The following CARMIL1 variants were observed in gnomAD, a reference collection of about 807,000 sequenced individuals.
CARMIL1 encodes capping protein regulator and myosin 1 linker 1, also known as F-actin-uncapping protein LRRC16A.
A neutral mutation model predicts 177.1 loss-of-function variants in CARMIL1; 90 were observed. That is an observed-to-expected ratio of 0.51 (90% CI 0.43 to 0.61). CARMIL1 has a LOEUF of 0.61. CARMIL1 is among the 20% of genes least tolerant of loss of function. The pLI, the probability that CARMIL1 is intolerant of heterozygous loss-of-function variation, is 0.00. For synonymous variants in CARMIL1, 577 were observed against 606.2 expected (o/e 0.95, Z 0.71); for missense variants, 1,380 against 1,667.0 (o/e 0.83, Z 3.00).
chr6:25,446,156 G>A (rs1354196409), intron 5 of CARMIL1, among the ~76,000 whole-genome samples: 2 of 152,132 alleles, frequency 1.3e-5, no homozygotes, highest in African/African-American at 4.8e-5. Context: ...GCACTGATTG[G>A]CCTCAACTTA....
chr6:25,405,716 C>T (rs559151255), intron 2 of CARMIL1, among the ~76,000 whole-genome samples: 2 of 152,154 alleles, frequency 1.3e-5, no homozygotes, highest in Non-Finnish European at 2.9e-5. Flanking sequence ...TATTTCTTTT[C>T]CTTTTGGCAG....
At chr6:25,328,835 TGA>T (rs10612739) in intron 2 of CARMIL1, among the ~76,000 whole-genome samples, 40,441 of 151,818 alleles carry the variant, frequency 0.27, 5,746 homozygotes, top group African/African-American at 0.38. Flanking sequence ...AAAAATGCAA[TGA>T]GAGGGGAAAA....
At position 25,577,214 on chromosome 6, in the gene CARMIL1, T is replaced by C. The variant is rs1410461837; in HGVS notation, c.2743-3710T>C. 7 of 750,838 alleles carry C rather than the reference T, an allele frequency of 9.3e-6. No individual in the cohort carries two copies. Among genetic ancestry groups the C allele is most frequent in the Non-Finnish European group, 9.7e-6 (6 of 615,902 alleles). The allele number at this position is 750,838 out of a possible 1,614,324, so 46.5% of individuals were successfully genotyped here. A position where few individuals can be genotyped will look rare whatever the true frequency, so the allele number is the denominator to read the frequency against. Reference sequence around the variant, plus strand: ...GATGAATTTAAAATATCTCCAGCCATGTGCCTGAAAGCAAGCAGAGTGTTG... The same window carrying C: ...GATGAATTTAAAATATCTCCAGCCACGTGCCTGAAAGCAAGCAGAGTGTTG... On this transcript the variant is annotated intron_variant, in intron 29 of 36. Transcript: ENST00000329474. This position sits in a 1 kb window ranked among gnomAD's most constrained non-coding sequence, Gnocchi z 4.5.
chr6:25,459,210 T>TTTTCTTTCTTTCTTTCTTTC (rs5875042), intron 8 of CARMIL1, among the ~76,000 whole-genome samples: 4,641 of 80,120 alleles, frequency 0.058, 664 homozygotes, highest in East Asian at 0.077. Context: ...GATCCCAACT[T>TTTTCTTTCTTTCTTTCTTTC]TTTCTTTCTT....
chr6:25,610,204 TTCTCTGGGTTAGC>T, intron 36 of CARMIL1, 23 bp downstream of exon 36: 1 of 1,604,140 alleles, frequency 6.2e-7, no homozygotes, highest in Non-Finnish European at 8.5e-7. Flanking sequence ...AGGATTTCTT[TTCTCTGGGTTAGC>T]TCTCCCCAAG....
At chr6:25,610,958 C>T (rs1487558019) in intron 36 of CARMIL1, among the ~76,000 whole-genome samples, 4 of 151,992 alleles carry the variant, frequency 2.6e-5, no homozygotes, top group Admixed American at 1.3e-4. Flanking sequence ...CCACACAAGT[C>T]GTCTACACCC....
chr6:25,404,671 G>T (rs1186780453), intron 2 of CARMIL1, among the ~76,000 whole-genome samples: 1 of 151,840 alleles, frequency 6.6e-6, no homozygotes, highest in African/African-American at 2.4e-5. Context: ...CACAAGAATC[G>T]CTTGAACCCG....
intron 17 of CARMIL1, among the ~76,000 whole-genome samples, chr6:25,507,256 T>G (rs946165234): frequency 3.9e-5 from 6 of 152,194 alleles, no homozygotes; most frequent in African/African-American, 1.4e-4. Context: ...TTTGGGGAAT[T>G]TTAGACATTT....
intron 24 of CARMIL1, among the ~76,000 whole-genome samples, chr6:25,531,092 A>C (rs956624853): frequency 1.3e-5 from 2 of 152,210 alleles, no homozygotes; most frequent in Non-Finnish European, 2.9e-5. Context: ...TATTTCGTGG[A>C]ATCAACTGCT....
chr6:25,537,579 C>T (rs1306108062), intron 24 of CARMIL1, among the ~76,000 whole-genome samples: 2 of 152,128 alleles, frequency 1.3e-5, no homozygotes, highest in East Asian at 1.9e-4. Context: ...TTTTGTTCTA[C>T]GTGCTGCATT....
chr6:25,368,795 A>G (rs1562044941), intron 2 of CARMIL1, among the ~76,000 whole-genome samples: 2 of 152,220 alleles, frequency 1.3e-5, no homozygotes, highest in South Asian at 4.1e-4. Flanking sequence ...TTTTAATGTG[A>G]TAAATGGCCT....
At chr6:25,586,814 C>T (rs1370870399) in intron 31 of CARMIL1, among the ~76,000 whole-genome samples, 2 of 151,870 alleles carry the variant, frequency 1.3e-5, no homozygotes, top group South Asian at 2.1e-4. Flanking sequence ...ACCAGTCAGG[C>T]GTGGCGGCGC....
chr6:25,515,798 A>G lies in CARMIL1; in HGVS notation c.1756A>G (p.Met586Val), dbSNP rs762423364. 3 of 1,611,496 alleles carry G rather than the reference A, an allele frequency of 1.9e-6. No homozygotes were observed. Among genetic ancestry groups the G allele is most frequent in the Non-Finnish European group, 2.5e-6 (3 of 1,179,024 alleles). ...VDISGNGMGD[M>V]GAKMLAKALQ... Reference sequence around the variant, plus strand: ...CATTAGCGGCAACGGAATGGGGGACATGGGAGCGAAGATGCTGGCCAAAGC... The same window carrying G: ...CATTAGCGGCAACGGAATGGGGGACGTGGGAGCGAAGATGCTGGCCAAAGC... Residue 586 changes from methionine to valine, a missense_variant, in exon 21 of 37, where the codon ATG becomes GTG. Physicochemically the swap from Met to Val is conservative, Grantham distance 21. Transcript: ENST00000329474. The surrounding 1 kb of genome is among the most constrained non-coding windows in gnomAD (Gnocchi z 5.0).
In CARMIL1 at chr6:25,491,819, A is replaced by G; in HGVS notation, c.1143+10A>G. The G allele has an allele frequency of 6.4e-7, 1 of 1,566,082 alleles. No homozygotes were observed. The highest frequency in any genetic ancestry group is 8.7e-7 in the Non-Finnish European group (1 of 1,149,474). ...ATGTTCCCTGGACATGGTAAATTTA[A>G]AATATATATATATCTTGCTCTGAGG... On this transcript the variant is annotated intron_variant, in intron 14 of 36. Coordinates refer to ENST00000329474, the MANE Select transcript of CARMIL1 (RefSeq NM_017640.6).
intron 5 of CARMIL1, among the ~76,000 whole-genome samples, chr6:25,441,361 GTGTGTGTGTGTCTA>G (rs56788961): frequency 3.0e-3 from 430 of 145,522 alleles, no homozygotes; most frequent in African/African-American, 8.6e-3. Flanking sequence ...GTGTGTGTGT[GTGTGTGTGTGTCTA>G]TGTGTGTGTG....
chr6:25,507,396 A>G (rs2769701), intron 17 of CARMIL1: 63,333 of 152,286 alleles, frequency 0.42, 13,490 homozygotes, highest in Middle Eastern at 0.51. Context: ...TTTTGTATTG[A>G]TAGAAACTTT....
intron 11 of CARMIL1, among the ~76,000 whole-genome samples, chr6:25,479,645 C>G (rs531129320): frequency 2.8e-4 from 42 of 152,160 alleles, no homozygotes; most frequent in African/African-American, 7.0e-4. Context: ...TGGCTGCTAT[C>G]TATTTAACTG....
At chr6:25,357,148 G>A (rs953558498) in intron 2 of CARMIL1, among the ~76,000 whole-genome samples, 4 of 151,338 alleles carry the variant, frequency 2.6e-5, no homozygotes, top group African/African-American at 7.3e-5. Context: ...TTTCTCAGGA[G>A]GATTTACTTC....
chr6:25,509,766 C>G lies in CARMIL1; in HGVS notation c.1477+29C>G. On this transcript the variant is annotated intron_variant, in intron 18 of 36. Transcript: ENST00000329474. This position sits in a 1 kb window ranked among gnomAD's most constrained non-coding sequence, Gnocchi z 4.1. Reference sequence around the variant, plus strand: ...AGTCAGATATTGAAAAGAAATGAAACTGAAATATTTTTTGAAGCAAGTTAA... The same window carrying G: ...AGTCAGATATTGAAAAGAAATGAAAGTGAAATATTTTTTGAAGCAAGTTAA... 1 of 1,449,664 alleles carries G rather than the reference C, an allele frequency of 6.9e-7. No individual in the cohort carries two copies. Among genetic ancestry groups the G allele is most frequent in the Non-Finnish European group, 9.5e-7 (1 of 1,053,588 alleles). 89.8% of individuals were successfully genotyped at this position (1,449,664 alleles called of 1,614,324 possible).
Sources: allele counts gnomAD v4.1 joint callset (sites outside exome capture counted in the v4.1 genomes callset), GRCh38; gene constraint gnomAD v4.1.1; non-coding constraint Gnocchi (gnomAD v3.1); transcripts MANE v1.5; gene names NCBI Gene and HGNC (gene_info 2026-07-23, HGNC 2026-07-21).